SEMA6D: variants seen among roughly 807,000 people sequenced by gnomAD.
SEMA6D encodes the protein semaphorin 6D.
Under a neutral mutation model 106.6 loss-of-function variants are expected in SEMA6D, and 35 were observed. The ratio of observed to expected loss-of-function variants is 0.33; its 90% CI spans 0.25 to 0.44. The LOEUF is 0.44. Among genes scored for constraint, SEMA6D ranks in the 20% least tolerant of loss-of-function variants. SEMA6D has a pLI of 1.00. For synonymous variants in SEMA6D, 499 were observed against 487.7 expected (o/e 1.02, Z -0.31); for missense variants, 1,185 against 1,345.9 (o/e 0.88, Z 1.87).
intron 4 of SEMA6D, among the ~76,000 whole-genome samples, chr15:47,618,903 A>C (rs2077052799): frequency 6.6e-6 from 1 of 152,050 alleles, no homozygotes; most frequent in Non-Finnish European, 1.5e-5. Flanking sequence ...GCTTTGTGAA[A>C]TATGTAGTAG....
At chr15:47,410,763 C>T (rs916105615) in intron 1 of SEMA6D, among the ~76,000 whole-genome samples, 3 of 152,218 alleles carry the variant, frequency 2.0e-5, no homozygotes, top group Admixed American at 6.5e-5. Context: ...ACAAACTCTC[C>T]AAAACCTCTT....
intron 1 of SEMA6D, among the ~76,000 whole-genome samples, chr15:47,188,515 G>A (rs1355610627): frequency 3.3e-5 from 5 of 152,096 alleles, no homozygotes; most frequent in Non-Finnish European, 5.9e-5. Flanking sequence ...TTTAATCTCA[G>A]GGGTAATGTA....
chr15:47,581,374 A>C (rs771413209), intron 3 of SEMA6D: 3 of 494,122 alleles, frequency 6.1e-6, no homozygotes, highest in African/African-American at 2.0e-5. Context: ...CAAACTGCCA[A>C]ATAAACAAGA....
At chr15:47,403,868 A>G (rs972304917) in intron 1 of SEMA6D, among the ~76,000 whole-genome samples, 1 of 152,158 alleles carries the variant, frequency 6.6e-6, no homozygotes, top group Admixed American at 6.5e-5. Flanking sequence ...AGTTTGCAAG[A>G]TGATTCTTGC....
chr15:47,518,504 T>C (rs950914470), intron 3 of SEMA6D, among the ~76,000 whole-genome samples: 32 of 152,250 alleles, frequency 2.1e-4, no homozygotes, highest in Non-Finnish European at 7.3e-5. Flanking sequence ...ATCTAAATGG[T>C]ATAGCCCATT....
At chr15:47,405,293 A>T (rs1351025782) in intron 1 of SEMA6D, among the ~76,000 whole-genome samples, 2 of 152,034 alleles carry the variant, frequency 1.3e-5, no homozygotes, top group Non-Finnish European at 1.5e-5. Context: ...CAAAATTTGG[A>T]GAGCTGGTGG....
At chr15:47,429,874 C>T (rs2041466257) in intron 2 of SEMA6D, among the ~76,000 whole-genome samples, 1 of 152,074 alleles carries the variant, frequency 6.6e-6, no homozygotes, top group Non-Finnish European at 1.5e-5. Context: ...TTGGGGACCT[C>T]AGTAGCAACT....
rs939650721 is a variant in SEMA6D at position 47,228,830 on chromosome 15, C to T, written c.-239+44412C>T. ...CCTCTATGGAGTGCCAAAGTGGGTC[C>T]CTGTATGTAAGGATGAGGTTTCACC... On this transcript the variant is annotated intron_variant, in intron 1 of 19. Coordinates refer to the SEMA6D transcript ENST00000558014. Among the ~76,000 whole-genome samples, 15 of 151,836 alleles carry T rather than the reference C, an allele frequency of 9.9e-5. 1 individual carries two copies. The highest frequency in any genetic ancestry group is 1.8e-4 in the Non-Finnish European group (12 of 67,918).
In SEMA6D at chr15:47,355,302, G is replaced by A. The variant is rs1468690885; in HGVS notation, c.-238-57091G>A. Among the ~76,000 whole-genome samples, 3 of 152,204 alleles carry A rather than the reference G, an allele frequency of 2.0e-5. No individual in the cohort carries two copies. In the East Asian group the frequency reaches 5.8e-4, roughly 29 times the overall value. On this transcript the variant is annotated intron_variant, in intron 1 of 19. Transcript: ENST00000558014. ...CAAAAATTAAATTATAAAGAAAATAGTACATGCAGATGATAACTTTACCTC... is the reference window on the plus strand; with the variant it reads ...CAAAAATTAAATTATAAAGAAAATAATACATGCAGATGATAACTTTACCTC...
intron 1 of SEMA6D, among the ~76,000 whole-genome samples, chr15:47,744,567 G>A (rs180742588): frequency 6.6e-6 from 1 of 151,980 alleles, no homozygotes; most frequent in Admixed American, 6.6e-5. Flanking sequence ...ACATGGTTGT[G>A]GGGGGGAAAA....
At chr15:47,243,647 T>C (rs2033047473) in intron 1 of SEMA6D, among the ~76,000 whole-genome samples, 1 of 152,174 alleles carries the variant, frequency 6.6e-6, no homozygotes, top group Non-Finnish European at 1.5e-5. Flanking sequence ...CTGCTCTGTG[T>C]ACAATGCCTT....
intron 1 of SEMA6D, among the ~76,000 whole-genome samples, chr15:47,379,566 A>G (rs944691214): frequency 3.0e-4 from 46 of 152,296 alleles, no homozygotes; most frequent in African/African-American, 1.0e-3. Context: ...TGCTAAAGGG[A>G]TATAAGGCAG....
At position 47,481,841 on chromosome 15, in the gene SEMA6D, T is replaced by C. The variant is rs564168216; in HGVS notation, c.-87+11296T>C. Reference sequence around the variant, plus strand: ...AGCTCTATATTTGTATACAAAATTATGTTAAGACTGAACATAGGATTCCTG... The same window carrying C: ...AGCTCTATATTTGTATACAAAATTACGTTAAGACTGAACATAGGATTCCTG... On this transcript the variant is annotated intron_variant, in intron 3 of 19. Coordinates refer to the SEMA6D transcript ENST00000558014. Among the ~76,000 whole-genome samples the C allele has an allele frequency of 3.3e-5, 5 of 152,302 alleles. No homozygotes were observed. In the South Asian group the frequency reaches 1.0e-3, roughly 32 times the overall value.
Position 47,763,833 on chromosome 15 carries a change from T to C in SEMA6D, c.748-17T>C. 6.2e-7 allele frequency: 1 copy of C among 1,609,888 alleles called. No individual in the cohort carries two copies. The highest frequency in any genetic ancestry group is 8.5e-7 in the Non-Finnish European group (1 of 1,177,558). Reference sequence around the variant, plus strand: ...CATGCTCATAACCCCATTGCTTTGCTTCTATCCGTTGGGCAGGCTGTGTAT... The same window carrying C: ...CATGCTCATAACCCCATTGCTTTGCCTCTATCCGTTGGGCAGGCTGTGTAT... On this transcript the variant is annotated splice_polypyrimidine_tract_variant and intron_variant, in intron 9 of 18. Coordinates refer to ENST00000536845, the MANE Select transcript of SEMA6D (RefSeq NM_001358351.3).
intron 1 of SEMA6D, among the ~76,000 whole-genome samples, chr15:47,736,298 C>T (rs891369183): frequency 6.6e-6 from 1 of 152,252 alleles, no homozygotes; most frequent in South Asian, 2.1e-4. Context: ...AAAAGAGCCA[C>T]AGAGATAAGA....
chr15:47,245,041 TC>T (rs2033126981), intron 1 of SEMA6D, among the ~76,000 whole-genome samples: 1 of 151,510 alleles, frequency 6.6e-6, no homozygotes, highest in African/African-American at 2.4e-5. Flanking sequence ...TTTTTTTTTT[TC>T]ATGGCTGTGT....
At chr15:47,485,221 G>A (rs1231368500) in intron 3 of SEMA6D, among the ~76,000 whole-genome samples, 1 of 152,104 alleles carries the variant, frequency 6.6e-6, no homozygotes, top group Middle Eastern at 3.2e-3. Flanking sequence ...TGACCTGCAA[G>A]GCAGGCACAA....
chr15:47,316,343 C>T (rs181624318), intron 1 of SEMA6D, among the ~76,000 whole-genome samples: 37 of 151,904 alleles, frequency 2.4e-4, no homozygotes, highest in African/African-American at 7.5e-4. Flanking sequence ...CCACCTGCCT[C>T]GGCCTCCCAA....
chr15:47,454,631 C>G (rs1454035493), intron 2 of SEMA6D, among the ~76,000 whole-genome samples: 1 of 125,360 alleles, frequency 8.0e-6, no homozygotes, highest in East Asian at 2.6e-4. Flanking sequence ...ACACACAGAG[C>G]TTTTTACCCC....
Sources: gnomAD v4.1 joint callset for allele counts (sites outside exome capture counted in the v4.1 genomes callset) on GRCh38, gnomAD v4.1.1 for gene constraint, MANE v1.5 for transcripts, NCBI Gene and HGNC (gene_info 2026-07-23, HGNC 2026-07-21) for gene names.